The following ATXN10 variants were observed in gnomAD, a reference collection of about 807,000 sequenced individuals.
The protein encoded by ATXN10 is ataxin 10.
Under a neutral mutation model 52.9 loss-of-function variants are expected in ATXN10, and 28 were observed. The observed-to-expected ratio is 0.53, with a 90% CI of 0.39 to 0.73. The LOEUF (loss-of-function observed/expected upper bound fraction) is 0.73, where lower values mean the gene tolerates loss of function less well. Ranked by LOEUF, ATXN10 falls within the 30% of genes least tolerant of loss-of-function variation. ATXN10 has a pLI of 0.00. For synonymous variants in ATXN10, 226 were observed against 221.5 expected (o/e 1.02, Z -0.18); for missense variants, 565 against 577.0 (o/e 0.98, Z 0.21).
At chr22:45,809,115 C>G (rs1234441839) in intron 10 of ATXN10, among the ~76,000 whole-genome samples, 2 of 152,122 alleles carry the variant, frequency 1.3e-5, no homozygotes, top group Non-Finnish European at 1.5e-5. Flanking sequence ...GCCTTACAGC[C>G]TAGAGATTCA....
intron 3 of ATXN10, among the ~76,000 whole-genome samples, chr22:45,693,770 A>G (rs934641887): frequency 2.6e-5 from 4 of 152,192 alleles, no homozygotes; most frequent in African/African-American, 9.7e-5. Context: ...GGAAGAGGAA[A>G]TTAGGACATG....
In ATXN10 at chr22:45,844,336, G is replaced by C. The variant is rs1006162819; in HGVS notation, c.*665G>C. ...TTCATCCCAGAAGTAGACATCCCAG[G>C]ACCCATTCTGTGTCAAGGTGAATGC... is the stretch of plus-strand genomic sequence containing the variant. On this transcript the variant is annotated 3_prime_UTR_variant, in exon 12 of 12. Coordinates refer to ENST00000252934, the MANE Select transcript of ATXN10 (RefSeq NM_013236.4). 6 of 153,692 alleles carry C rather than the reference G, an allele frequency of 3.9e-5. No individual in the cohort carries two copies. The highest frequency in any genetic ancestry group is 1.4e-4 in the African/African-American group (6 of 41,440). 9.5% of individuals were successfully genotyped at this position (153,692 alleles called of 1,614,324 possible).
rs1471198106 is a variant in ATXN10, at chr22:45,762,057, T to C, written c.1173+21519T>C. ...TTCCTATTTAGTCATATGTTTTTAC[T>C]TCACTTTATGGTTTAAGTGAGCCAA... is the stretch of plus-strand genomic sequence containing the variant. On this transcript the variant is annotated intron_variant, in intron 9 of 11. Transcript: ENST00000252934. The surrounding 1 kb of genome is among the most constrained non-coding windows in gnomAD (Gnocchi z 4.3). Among the ~76,000 whole-genome samples, 2 of 152,230 alleles carry C rather than the reference T, an allele frequency of 1.3e-5. No homozygotes were observed. Among genetic ancestry groups the C allele is most frequent in the Admixed American group, 6.5e-5 (1 of 15,284 alleles).
chr22:45,711,462 T>G (rs1023067549), intron 5 of ATXN10, among the ~76,000 whole-genome samples: 1 of 152,044 alleles, frequency 6.6e-6, no homozygotes, highest in Non-Finnish European at 1.5e-5. Context: ...TGACCCTGCA[T>G]TATTAAGTTA....
At chr22:45,810,124 A>G (rs376936443) in intron 10 of ATXN10, among the ~76,000 whole-genome samples, 8 of 152,266 alleles carry the variant, frequency 5.3e-5, no homozygotes, top group African/African-American at 1.7e-4. Flanking sequence ...ATCTATTTCT[A>G]TTCTCTCCAG....
intron 9 of ATXN10, among the ~76,000 whole-genome samples, chr22:45,741,444 C>T (rs564252074): frequency 6.6e-6 from 1 of 152,128 alleles, no homozygotes; most frequent in Non-Finnish European, 1.5e-5. Context: ...TCCCAGAGAT[C>T]ACCTTGCTGC....
intron 9 of ATXN10, among the ~76,000 whole-genome samples, chr22:45,797,484 G>A (rs937457155): frequency 9.9e-5 from 15 of 152,074 alleles, no homozygotes; most frequent in Non-Finnish European, 7.4e-5. Context: ...CAACCATATC[G>A]AAATTAGAAA....
chr22:45,738,001 T>A (rs1373244675), intron 7 of ATXN10, among the ~76,000 whole-genome samples: 1 of 152,154 alleles, frequency 6.6e-6, no homozygotes, highest in Non-Finnish European at 1.5e-5. Context: ...AACTTTATAA[T>A]CTCTGCCACA....
chr22:45,771,080 A>G (rs867529057), intron 9 of ATXN10, among the ~76,000 whole-genome samples: 1 of 152,226 alleles, frequency 6.6e-6, no homozygotes, highest in Non-Finnish European at 1.5e-5. Flanking sequence ...AAAACCCTGC[A>G]GTCGCATTCC....
At chr22:45,798,729 C>T (rs928129068) in intron 9 of ATXN10, among the ~76,000 whole-genome samples, 5 of 152,002 alleles carry the variant, frequency 3.3e-5, no homozygotes, top group African/African-American at 7.2e-5. Context: ...GTAAAACTGG[C>T]TTTATTCATA....
intron 9 of ATXN10, 27 bp downstream of exon 9, chr22:45,740,565 T>C: frequency 6.2e-7 from 1 of 1,602,924 alleles, no homozygotes; most frequent in Non-Finnish European, 8.5e-7. Context: ...GTATGTATTA[T>C]ACATGTATGG....
At chr22:45,697,091 G>A (rs565017870) in intron 3 of ATXN10, among the ~76,000 whole-genome samples, 5 of 152,024 alleles carry the variant, frequency 3.3e-5, no homozygotes, top group Non-Finnish European at 7.4e-5. Context: ...GTGGCATTTA[G>A]TACATCCACA....
At position 45,712,271 on chromosome 22, in the gene ATXN10, C is replaced by T. The variant is rs1679198698; in HGVS notation, c.648-6142C>T. ...TTGAAGGAAAAAGAATTCTTGTTAT[C>T]CAAGGAAGGAAAAAAGGGGATGCTG... On this transcript the variant is annotated intron_variant, in intron 5 of 11. Transcript: ENST00000252934. The surrounding 1 kb of genome is among the most constrained non-coding windows in gnomAD (Gnocchi z 4.6). 6.6e-6 allele frequency among the ~76,000 whole-genome samples: 1 copy of T among 152,022 alleles called. No homozygotes were observed. The highest frequency in any genetic ancestry group is 2.4e-5 in the African/African-American group (1 of 41,378).
chr22:45,831,620 T>C (rs571103368), intron 10 of ATXN10, among the ~76,000 whole-genome samples: 1 of 152,366 alleles, frequency 6.6e-6, no homozygotes, highest in African/African-American at 2.4e-5. Flanking sequence ...ACAATATTTT[T>C]ATCTTCATTT....
intron 5 of ATXN10, among the ~76,000 whole-genome samples, chr22:45,709,408 T>C (rs2146762872): frequency 1.3e-5 from 2 of 152,354 alleles, no homozygotes; most frequent in East Asian, 3.9e-4. Flanking sequence ...TATTGGCTTA[T>C]GCAACTGAAA....
rs529168080 is a variant in ATXN10 at position 45,705,713 on chromosome 22, C to T, written c.647+2866C>T. On this transcript the variant is annotated intron_variant, in intron 5 of 11. Coordinates refer to ENST00000252934, the MANE Select transcript of ATXN10 (RefSeq NM_013236.4). The surrounding 1 kb of genome is among the most constrained non-coding windows in gnomAD (Gnocchi z 5.2). ...CCTCCCAAAGTGCTGGGATTACAGG[C>T]GTGAGCCACCGCGCCCGGCCTCCAC... Among the ~76,000 whole-genome samples the T allele has an allele frequency of 2.6e-5, 4 of 152,222 alleles. No individual in the cohort carries two copies. Among genetic ancestry groups the T allele is most frequent in the South Asian group, 4.1e-4 (2 of 4,820 alleles).
intron 1 of ATXN10, among the ~76,000 whole-genome samples, chr22:45,680,290 C>G (rs981233337): frequency 1.3e-5 from 2 of 152,140 alleles, no homozygotes; most frequent in Admixed American, 1.3e-4. Context: ...TCATCATCAT[C>G]ATCAATGAGA....
At chr22:45,793,014 G>A (rs956940781) in intron 9 of ATXN10, 1 of 290,732 alleles carries the variant, frequency 3.4e-6, no homozygotes, top group African/African-American at 2.2e-5. Flanking sequence ...TCTCCTAATA[G>A]CCCAGCCAGG....
Position 45,678,470 on chromosome 22 carries a change from A to G in ATXN10, c.116+6291A>G, listed in dbSNP as rs1382860635. ...AGCTATATATTTATGATTTTTAAAA[A>G]GTCACATTGTTTGGAGTAGAGGGGA... On this transcript the variant is annotated intron_variant, in intron 1 of 11. Transcript: ENST00000252934. This position sits in a 1 kb window ranked among gnomAD's most constrained non-coding sequence, Gnocchi z 4.1. 6.6e-6 allele frequency: 1 copy of G among 152,226 alleles called. No individual in the cohort carries two copies. The highest frequency in any genetic ancestry group is 1.5e-5 in the Non-Finnish European group (1 of 68,034). The allele number at this position is 152,226 out of a possible 1,614,324, so 9.4% of individuals were successfully genotyped here.
Sources: allele counts gnomAD v4.1 joint callset (sites outside exome capture counted in the v4.1 genomes callset), GRCh38; gene constraint gnomAD v4.1.1; non-coding constraint Gnocchi (gnomAD v3.1); transcripts MANE v1.5; gene names NCBI Gene and HGNC (gene_info 2026-07-23, HGNC 2026-07-21).